RAB38: variants seen among roughly 807,000 people sequenced by gnomAD.
The protein encoded by RAB38 is ras-related protein Rab-38.
In RAB38, 15 loss-of-function variants were observed where a neutral mutation model predicts 18.4. The ratio of observed to expected loss-of-function variants is 0.82; its 90% CI spans 0.55 to 1.26. The LOEUF is 1.26. Ranked by LOEUF, RAB38 falls within the 50% of genes most tolerant of loss-of-function variation. The pLI, the probability that RAB38 is intolerant of heterozygous loss-of-function variation, is 0.00. For synonymous variants in RAB38, 101 were observed against 104.4 expected (o/e 0.97, Z 0.20); for missense variants, 294 against 267.4 (o/e 1.10, Z -0.69).
the RAB38 span, among the ~76,000 whole-genome samples, chr11:87,938,587 TTTTC>T: frequency 2.0e-5 from 3 of 151,460 alleles, no homozygotes; most frequent in Non-Finnish European, 2.9e-5. Context: ...AAAGGTTTTT[TTTTC>T]TTTCTTTCTT....
the RAB38 span, among the ~76,000 whole-genome samples, chr11:87,838,961 G>A: frequency 6.6e-6 from 1 of 152,172 alleles, no homozygotes; most frequent in South Asian, 2.1e-4. Flanking sequence ...GCCAGTAAGA[G>A]GCATGGCTGA....
chr11:87,875,465 G>T, the RAB38 span, among the ~76,000 whole-genome samples: 1 of 151,268 alleles, frequency 6.6e-6, no homozygotes, highest in East Asian at 2.0e-4. Flanking sequence ...TATTTATCTG[G>T]GGTATGTCCA....
the RAB38 span, among the ~76,000 whole-genome samples, chr11:88,028,635 GA>G: frequency 3.3e-5 from 5 of 152,152 alleles, no homozygotes; most frequent in Admixed American, 3.3e-4. Context: ...ATCACCGATG[GA>G]AGATGAAATG....
intron 2 of RAB38, among the ~76,000 whole-genome samples, chr11:88,124,698 T>C (rs372840543): frequency 6.6e-6 from 1 of 152,202 alleles, no homozygotes; most frequent in African/African-American, 2.4e-5. Flanking sequence ...GCACTTAGAA[T>C]ATGTTATATA....
At chr11:88,136,823 G>A (rs1942841932) in intron 2 of RAB38, among the ~76,000 whole-genome samples, 1 of 152,180 alleles carries the variant, frequency 6.6e-6, no homozygotes, top group South Asian at 2.1e-4. Context: ...CAGGGAGACT[G>A]GTTGAAAGTC....
At position 88,164,731 on chromosome 11, in the gene RAB38, T is replaced by A. The variant is rs558427688; in HGVS notation, c.202+10452A>T. ...TAGTGCTTTTGGCCTAGAGGCACAA[T>A]GAAAAAATCCAAAACACTAAGGATT... On this transcript the variant is annotated intron_variant, in intron 1 of 2. Transcript: ENST00000243662. 2.6e-5 allele frequency among the ~76,000 whole-genome samples: 4 copies of A among 152,208 alleles called. No homozygotes were observed. The South Asian group carries it at 8.3e-4, about 32-fold the overall frequency.
At chr11:88,087,605 A>C in the RAB38 span, among the ~76,000 whole-genome samples, 1 of 151,948 alleles carries the variant, frequency 6.6e-6, no homozygotes, top group Admixed American at 6.6e-5. Flanking sequence ...GGCTCTTGGC[A>C]ACTGTATTGG....
the RAB38 span, among the ~76,000 whole-genome samples, chr11:87,864,372 T>G: frequency 6.6e-6 from 1 of 150,846 alleles, no homozygotes; most frequent in Non-Finnish European, 1.5e-5. Context: ...CAATTCTCCC[T>G]CTACTGGGCC....
chr11:87,922,762 T>C, the RAB38 span, among the ~76,000 whole-genome samples: 2 of 151,190 alleles, frequency 1.3e-5, no homozygotes, highest in Non-Finnish European at 2.9e-5. Flanking sequence ...TCAGTACATA[T>C]TTTAAAGGAA....
chr11:88,005,138 A>G, the RAB38 span, among the ~76,000 whole-genome samples: 1 of 151,428 alleles, frequency 6.6e-6, no homozygotes, highest in Non-Finnish European at 1.5e-5. Flanking sequence ...TACTCATAAC[A>G]CTTCTATGGA....
the RAB38 span, among the ~76,000 whole-genome samples, chr11:87,930,064 C>T: frequency 1.3e-5 from 2 of 152,080 alleles, no homozygotes; most frequent in South Asian, 4.1e-4. Flanking sequence ...ATTTATAATC[C>T]TTTGGGTATA....
chr11:87,804,354 G>A, the RAB38 span, among the ~76,000 whole-genome samples: 26 of 151,938 alleles, frequency 1.7e-4, no homozygotes, highest in Non-Finnish European at 3.4e-4. Context: ...GTTCTCTGTG[G>A]GTGTCTTCAG....
At chr11:88,016,680 T>C in the RAB38 span, among the ~76,000 whole-genome samples, 60 of 152,044 alleles carry the variant, frequency 3.9e-4, no homozygotes, top group Non-Finnish European at 6.6e-4. Flanking sequence ...CATCAGCTAT[T>C]TCCTGGTGTA....
chr11:87,955,576 C>A, the RAB38 span, among the ~76,000 whole-genome samples: 1 of 151,964 alleles, frequency 6.6e-6, no homozygotes, highest in Non-Finnish European at 1.5e-5. Flanking sequence ...TTTAACGAAG[C>A]CTAAAGCTAT....
At chr11:88,017,476 T>G in the RAB38 span, among the ~76,000 whole-genome samples, 1 of 151,874 alleles carries the variant, frequency 6.6e-6, no homozygotes, top group African/African-American at 2.4e-5. Context: ...AAAATGTGCA[T>G]ATAAAGCTAC....
intron 1 of RAB38, among the ~76,000 whole-genome samples, chr11:88,154,191 G>C (rs984972578): frequency 2.0e-5 from 3 of 152,296 alleles, no homozygotes; most frequent in African/African-American, 7.2e-5. Flanking sequence ...AAAGACGTGA[G>C]GAACAGCTGC....
chr11:87,885,421 G>A, the RAB38 span, among the ~76,000 whole-genome samples: 2 of 150,856 alleles, frequency 1.3e-5, no homozygotes, highest in African/African-American at 4.8e-5. Context: ...TTACCACCCT[G>A]AATATTCCTG....
chr11:87,970,386 G>A, the RAB38 span, among the ~76,000 whole-genome samples: 2 of 151,808 alleles, frequency 1.3e-5, no homozygotes, highest in African/African-American at 4.8e-5. Context: ...ATGATATTTT[G>A]TTCTTCAAGG....
At chr11:88,029,468 C>G in the RAB38 span, among the ~76,000 whole-genome samples, 1 of 152,224 alleles carries the variant, frequency 6.6e-6, no homozygotes, top group Non-Finnish European at 1.5e-5. Flanking sequence ...CATCAGTGTG[C>G]GGTATTCAGG....
Sources: allele counts gnomAD v4.1 joint callset (sites outside exome capture counted in the v4.1 genomes callset), GRCh38; gene constraint gnomAD v4.1.1; transcripts MANE v1.5; gene names NCBI Gene and HGNC (gene_info 2026-07-23, HGNC 2026-07-21).